Variants in EPS8 observed in about 807,000 individuals in gnomAD.
EPS8 encodes the protein EGFR pathway substrate 8, signaling adaptor, also known as epidermal growth factor receptor kinase substrate 8.
EPS8 carries 42 observed loss-of-function variants against 103.8 expected under a neutral mutation model. That is an observed-to-expected ratio of 0.40 (90% CI 0.32 to 0.52). The LOEUF (loss-of-function observed/expected upper bound fraction) is 0.52, where lower values mean the gene tolerates loss of function less well. Ranked by LOEUF, EPS8 falls within the 20% of genes least tolerant of loss-of-function variation. EPS8 has a pLI of 0.40. For missense variants in EPS8, 969 were observed against 1,005.1 expected, an observed-to-expected ratio of 0.96 and a Z score of 0.49; for synonymous variants, 344 against 344.6, an observed-to-expected ratio of 1.00 and a Z score of 0.02.
chr12:15,638,369 C>A (rs954146880), intron 17 of EPS8, among the ~76,000 whole-genome samples: 1 of 152,052 alleles, frequency 6.6e-6, no homozygotes, highest in Non-Finnish European at 1.5e-5. Flanking sequence ...GACTGTGAAG[C>A]TTGCTTATTA....
intron 1 of EPS8, chr12:15,732,784 C>T: frequency 1.0e-6 from 1 of 981,418 alleles, no homozygotes; most frequent in Non-Finnish European, 1.2e-6. Context: ...TTACAGTGGC[C>T]ACAGGAGAAT....
In EPS8 at chr12:15,681,270, G is replaced by A. The variant is rs147254763; in HGVS notation, c.92C>T (p.Thr31Met). ...TGTTTTTGAACCATGTTCTCTGTCC[G>A]TCTGGGAAAAGGTAGGTGATGATCC... ...GYGSSPTFSQ[T>M]DREHGSKTSA... is the part of the protein sequence containing the mutation. Residue 31 changes from threonine (T) to methionine (M), a missense_variant, in exon 3 of 21, where the codon ACG becomes ATG. Transcript: ENST00000281172. The A allele has an allele frequency of 2.4e-5, 37 of 1,555,468 alleles. No individual in the cohort carries two copies. The highest frequency in any genetic ancestry group is 1.8e-4 in the Middle Eastern group (1 of 5,506).
intron 1 of EPS8, among the ~76,000 whole-genome samples, chr12:15,708,313 A>G (rs761402076): frequency 6.6e-6 from 1 of 152,238 alleles, no homozygotes; most frequent in Non-Finnish European, 1.5e-5. Context: ...TGAGAATTCC[A>G]TAACATAATC....
rs770767571 is a variant in EPS8, at chr12:15,684,859, C to T, written c.-21-1887G>A. On this transcript the variant is annotated intron_variant, in intron 1 of 20. Transcript: ENST00000281172. This position sits in a 1 kb window ranked among gnomAD's most constrained non-coding sequence, Gnocchi z 4.9. ...GGCCTCTGCCCTATACATGCATGTACTTATAAAATTACATGTATATTACAT... is the reference window on the plus strand; with the variant it reads ...GGCCTCTGCCCTATACATGCATGTATTTATAAAATTACATGTATATTACAT... Among the ~76,000 whole-genome samples the T allele has an allele frequency of 3.9e-5, 6 of 152,192 alleles. No individual in the cohort carries two copies. The highest frequency in any genetic ancestry group is 8.8e-5 in the Non-Finnish European group (6 of 68,026).
intron 1 of EPS8, among the ~76,000 whole-genome samples, chr12:15,775,625 G>A (rs1368477638): frequency 6.6e-6 from 1 of 152,092 alleles, no homozygotes; most frequent in African/African-American, 2.4e-5. Context: ...AAAAAGATTA[G>A]CCTTTATTTT....
chr12:15,644,956 A>G (rs1166524605), intron 15 of EPS8, among the ~76,000 whole-genome samples: 1 of 152,180 alleles, frequency 6.6e-6, no homozygotes. Context: ...AGTCCAGCTG[A>G]GACAGAATCC....
chr12:15,712,723 C>T (rs1450495430), intron 1 of EPS8: 2 of 306,460 alleles, frequency 6.5e-6, no homozygotes, highest in Non-Finnish European at 4.8e-6. Context: ...AGTTAAAAAG[C>T]AATCAAAGGG....
At chr12:15,642,293 A>G (rs1281621061) in intron 15 of EPS8, among the ~76,000 whole-genome samples, 2 of 152,182 alleles carry the variant, frequency 1.3e-5, no homozygotes, top group African/African-American at 4.8e-5. Context: ...AACCAAATAT[A>G]TAAATTTAAA....
chr12:15,659,262 G>A (rs1945562160), intron 10 of EPS8, among the ~76,000 whole-genome samples: 1 of 152,054 alleles, frequency 6.6e-6, no homozygotes, highest in South Asian at 2.1e-4. Flanking sequence ...TACAGCAGAA[G>A]AATGAAGTGA....
intron 6 of EPS8, among the ~76,000 whole-genome samples, chr12:15,667,295 G>C (rs1402182881): frequency 6.6e-6 from 1 of 152,068 alleles, no homozygotes; most frequent in Non-Finnish European, 1.5e-5. Context: ...TAAAACTTTA[G>C]AAATGATGGG....
intron 17 of EPS8, among the ~76,000 whole-genome samples, chr12:15,637,453 T>C (rs1347499898): frequency 6.6e-6 from 1 of 152,246 alleles, no homozygotes; most frequent in Non-Finnish European, 1.5e-5. Flanking sequence ...TTATTTCTCC[T>C]ACACCTTAGT....
Position 15,789,156 on chromosome 12 carries a change from C to T in EPS8, c.-22+5G>A, listed in dbSNP as rs892940993. ...GACCGGCGCCTTTCGCCAAGGGGCTCTTACCTCGGATCCGCCCTCGGGGCC... is the reference window on the plus strand; with the variant it reads ...GACCGGCGCCTTTCGCCAAGGGGCTTTTACCTCGGATCCGCCCTCGGGGCC... On this transcript the variant is annotated splice_donor_5th_base_variant and intron_variant, in intron 1 of 20. Transcript: ENST00000281172. The surrounding 1 kb of genome is among the most constrained non-coding windows in gnomAD (Gnocchi z 6.1). 1 of 152,204 alleles carries T rather than the reference C, an allele frequency of 6.6e-6. No individual in the cohort carries two copies. The highest frequency in any genetic ancestry group is 2.4e-5 in the African/African-American group (1 of 41,452). The allele number at this position is 152,204 out of a possible 1,614,324, so 9.4% of individuals were successfully genotyped here.
intron 14 of EPS8, among the ~76,000 whole-genome samples, chr12:15,648,746 C>A (rs971158814): frequency 6.6e-6 from 1 of 152,076 alleles, no homozygotes; most frequent in Non-Finnish European, 1.5e-5. Context: ...AGAGCAACTG[C>A]GAATACTGAA....
chr12:15,664,073 G>A (rs1057246908), intron 8 of EPS8, among the ~76,000 whole-genome samples: 25 of 148,176 alleles, frequency 1.7e-4, no homozygotes, highest in Non-Finnish European at 3.3e-4. Flanking sequence ...TGTTCAGAAT[G>A]TCTGTAAACT....
At position 15,717,709 on chromosome 12, in the gene EPS8, T is replaced by C. The variant is rs903983589; in HGVS notation, c.-21-34737A>G. ...GAAGTTATTTAGAAGAGTGAGACCA[T>C]ACTTAAATTAAGTGTATAGATGGCA... On this transcript the variant is annotated intron_variant, in intron 1 of 20. Coordinates refer to ENST00000281172, the MANE Select transcript of EPS8 (RefSeq NM_004447.6). The surrounding 1 kb of genome is among the most constrained non-coding windows in gnomAD (Gnocchi z 4.3). 6.6e-6 allele frequency among the ~76,000 whole-genome samples: 1 copy of C among 152,222 alleles called. No individual in the cohort carries two copies. Among genetic ancestry groups the C allele is most frequent in the African/African-American group, 2.4e-5 (1 of 41,466 alleles).
In EPS8 at chr12:15,735,409, T is replaced by A. The variant is rs1946758337; in HGVS notation, c.-21-52437A>T. 1.3e-5 allele frequency among the ~76,000 whole-genome samples: 2 copies of A among 152,152 alleles called. No homozygotes were observed. Among genetic ancestry groups the A allele is most frequent in the Admixed American group, 1.3e-4 (2 of 15,280 alleles). ...ATGGAAAAAATGAAGAGGAAAGAGA[T>A]CATGAAGGATCAAATATTGTCTTAT... On this transcript the variant is annotated intron_variant, in intron 1 of 20. Coordinates refer to ENST00000281172, the MANE Select transcript of EPS8 (RefSeq NM_004447.6). This position sits in a 1 kb window ranked among gnomAD's most constrained non-coding sequence, Gnocchi z 4.4.
intron 13 of EPS8, among the ~76,000 whole-genome samples, chr12:15,653,069 C>T (rs1945442431): frequency 6.6e-6 from 1 of 152,200 alleles, no homozygotes; most frequent in Admixed American, 6.5e-5. Flanking sequence ...TGTTAATAAT[C>T]TGTCTTCCAT....
rs1946992911 is a variant in EPS8 at position 15,757,048 on chromosome 12, T to G, written c.-22+32113A>C. Among the ~76,000 whole-genome samples the G allele has an allele frequency of 6.6e-6, 1 of 152,326 alleles. No homozygotes were observed. Among genetic ancestry groups the G allele is most frequent in the East Asian group, 1.9e-4 (1 of 5,186 alleles). On this transcript the variant is annotated intron_variant, in intron 1 of 20. Coordinates refer to ENST00000281172, the MANE Select transcript of EPS8 (RefSeq NM_004447.6). This position sits in a 1 kb window ranked among gnomAD's most constrained non-coding sequence, Gnocchi z 4.1. ...CCAATCTACACCCCTTAAATGCCAT[T>G]CATGTTAGTTTTCATCCATAAGCTC...
In EPS8 at chr12:15,779,796, C is replaced by T. The variant is rs1175066322; in HGVS notation, c.-22+9365G>A. Among the ~76,000 whole-genome samples the T allele has an allele frequency of 6.6e-6, 1 of 152,104 alleles. No individual in the cohort carries two copies. The highest frequency in any genetic ancestry group is 1.5e-5 in the Non-Finnish European group (1 of 68,018). On this transcript the variant is annotated intron_variant, in intron 1 of 20. Coordinates refer to ENST00000281172, the MANE Select transcript of EPS8 (RefSeq NM_004447.6). The surrounding 1 kb of genome is among the most constrained non-coding windows in gnomAD (Gnocchi z 4.3). The stretch of plus-strand genomic sequence containing the variant: ...AATTTTTCAATTATAGAACTCTGAT[C>T]TCTTATCAAGCACATAATTCATTTA...
Sources: gnomAD v4.1 joint callset for allele counts (sites outside exome capture counted in the v4.1 genomes callset) on GRCh38, gnomAD v4.1.1 for gene constraint, Gnocchi (gnomAD v3.1) non-coding constraint, MANE v1.5 for transcripts, NCBI Gene and HGNC (gene_info 2026-07-23, HGNC 2026-07-21) for gene names.